The following SLC39A14 variants were observed in gnomAD, a reference collection of about 807,000 sequenced individuals.
SLC39A14 encodes the protein solute carrier family 39 member 14.
SLC39A14 carries 19 observed loss-of-function variants against 45.5 expected under a neutral mutation model. The observed-to-expected ratio is 0.42, with a 90% CI of 0.29 to 0.61. The LOEUF is 0.61. SLC39A14 is among the 20% of genes least tolerant of loss of function. SLC39A14 has a pLI of 0.22. For synonymous variants in SLC39A14, 264 were observed against 251.3 expected (o/e 1.05, Z -0.48); for missense variants, 447 against 616.5 (o/e 0.73, Z 2.91).
chr8:22,402,719 A>T (rs1834948250), intron 1 of SLC39A14, among the ~76,000 whole-genome samples: 1 of 150,352 alleles, frequency 6.7e-6, no homozygotes, highest in Non-Finnish European at 1.5e-5. Flanking sequence ...CAGTGAGCCG[A>T]GATGGCGCCA....
chr8:22,415,961 A>C lies in SLC39A14; in HGVS notation c.939+4A>C, dbSNP rs766834973. The C allele has an allele frequency of 1.9e-6, 3 of 1,601,542 alleles. No homozygotes were observed. Among genetic ancestry groups the C allele is most frequent in the Non-Finnish European group, 2.6e-6 (3 of 1,171,580 alleles). On this transcript the variant is annotated splice_donor_region_variant and intron_variant, in intron 6 of 8. Coordinates refer to ENST00000381237, the MANE Select transcript of SLC39A14 (RefSeq NM_001128431.4). ...TGTGGGCTCGCTCTCTGTGCAGGTC[A>C]GTGGGCCACCAGCTGCTTGGTGGAG...
chr8:22,423,887 G>A (rs537778976), downstream of SLC39A14, among the ~76,000 whole-genome samples: 6 of 151,224 alleles, frequency 4.0e-5, no homozygotes, highest in East Asian at 1.2e-3. Context: ...GAGAGAGTGA[G>A]CTTGAACTCC....
At chr8:22,400,291 G>C (rs1244328553) in intron 1 of SLC39A14, among the ~76,000 whole-genome samples, 1 of 152,216 alleles carries the variant, frequency 6.6e-6, no homozygotes, top group African/African-American at 2.4e-5. Flanking sequence ...CAGTGTCCTT[G>C]TCTGTTACGT....
intron 8 of SLC39A14, among the ~76,000 whole-genome samples, chr8:22,432,620 A>C (rs1836483671): frequency 6.7e-6 from 1 of 150,028 alleles, no homozygotes; most frequent in African/African-American, 2.4e-5. Flanking sequence ...CTGGGACCAC[A>C]GGTGTTCACC....
chr8:22,371,588 A>G (rs185782112), intron 1 of SLC39A14, among the ~76,000 whole-genome samples: 8 of 149,718 alleles, frequency 5.3e-5, no homozygotes, highest in South Asian at 4.2e-4. Context: ...GCCTGCCATC[A>G]CACTTGGCTA....
chr8:22,380,953 G>A (rs746216599), intron 1 of SLC39A14, among the ~76,000 whole-genome samples: 1 of 151,600 alleles, frequency 6.6e-6, no homozygotes. Flanking sequence ...TGGAATTACG[G>A]GAGTGAGCCA....
intron 8 of SLC39A14, among the ~76,000 whole-genome samples, chr8:22,432,272 G>A (rs1836477635): frequency 6.6e-6 from 1 of 152,114 alleles, no homozygotes; most frequent in Admixed American, 6.5e-5. Context: ...GATAGAGGCT[G>A]CAGTGAGCTA....
At chr8:22,415,039 G>A in intron 5 of SLC39A14, 137 bp downstream of exon 5, 1 of 1,071,710 alleles carries the variant, frequency 9.3e-7, no homozygotes, top group Non-Finnish European at 1.3e-6. Flanking sequence ...TTCTTGAGGA[G>A]ACAATCCCAT....
chr8:22,403,840 C>T (rs1835031408), intron 1 of SLC39A14, among the ~76,000 whole-genome samples: 1 of 151,926 alleles, frequency 6.6e-6, no homozygotes, highest in Non-Finnish European at 1.5e-5. Flanking sequence ...ATTGCGTGAA[C>T]CTGGGAGGTG....
chr8:22,396,063 C>T (rs1044930125), intron 1 of SLC39A14, among the ~76,000 whole-genome samples: 3 of 152,062 alleles, frequency 2.0e-5, no homozygotes, highest in African/African-American at 4.8e-5. Flanking sequence ...ATTCCTTTTC[C>T]GTTAGAAGAG....
chr8:22,398,744 G>T (rs1215612640), intron 1 of SLC39A14: 1 of 985,324 alleles, frequency 1.0e-6, no homozygotes. Context: ...GTCTGTGCAG[G>T]ACAGAAGTGC....
intron 1 of SLC39A14, among the ~76,000 whole-genome samples, chr8:22,384,672 G>T (rs149485511): frequency 0.016 from 2,473 of 151,830 alleles, 26 homozygotes; most frequent in Non-Finnish European, 0.026. Flanking sequence ...GCCTGAACCT[G>T]GGAGGCGGAG....
chr8:22,392,340 G>A (rs1203560500), intron 1 of SLC39A14, among the ~76,000 whole-genome samples: 1 of 152,124 alleles, frequency 6.6e-6, no homozygotes, highest in Non-Finnish European at 1.5e-5. Context: ...AATTGTGCCG[G>A]ACACGCTTGG....
chr8:22,393,233 GT>G (rs1196375441), intron 1 of SLC39A14: 1 of 985,766 alleles, frequency 1.0e-6, no homozygotes, highest in Non-Finnish European at 1.2e-6. Flanking sequence ...TCCTTTCAGG[GT>G]ATGGAGGAGA....
intron 1 of SLC39A14, among the ~76,000 whole-genome samples, chr8:22,401,268 T>TCCTCTGTC (rs1834835995): frequency 6.6e-6 from 1 of 152,214 alleles, no homozygotes; most frequent in South Asian, 2.1e-4. Flanking sequence ...CTGCCGCTGT[T>TCCTCTGTC]CCTCTGTCGT....
chr8:22,419,400 T>C (rs1046540282), intron 8 of SLC39A14, 152 bp from the exon 9 acceptor site: 2 of 692,886 alleles, frequency 2.9e-6, no homozygotes, highest in Non-Finnish European at 4.9e-6. Flanking sequence ...GTCAGGCTGG[T>C]CTCGAACTCC....
rs1466018942 is a variant in SLC39A14 at position 22,420,255 on chromosome 8, G to C, written c.*557G>C. On this transcript the variant is annotated 3_prime_UTR_variant, in exon 9 of 9. Coordinates refer to ENST00000381237, the MANE Select transcript of SLC39A14 (RefSeq NM_001128431.4). ...GAGAACCTGAAGTCAGAACACATGA[G>C]CAGGGTGAGAGGTGAGGCAAGGTTC... 1 of 985,504 alleles carries C rather than the reference G, an allele frequency of 1.0e-6. No individual in the cohort carries two copies. Among genetic ancestry groups the C allele is most frequent in the Non-Finnish European group, 1.2e-6 (1 of 830,102 alleles). 61.0% of individuals were successfully genotyped at this position (985,504 alleles called of 1,614,324 possible).
At chr8:22,425,917 G>A (rs1353135132), downstream of SLC39A14, among the ~76,000 whole-genome samples, 1 of 137,756 alleles carries the variant, frequency 7.3e-6, no homozygotes, top group African/African-American at 2.6e-5. Context: ...TTTGAGCAGA[G>A]TTTTGCTCTT....
chr8:22,422,785 A>G (rs2132393327), downstream of SLC39A14: 1 of 857,412 alleles, frequency 1.2e-6, no homozygotes, highest in East Asian at 1.2e-4. Context: ...TTGTTTTACC[A>G]GGTCTGGTTT....
Sources: allele counts gnomAD v4.1 joint callset (sites outside exome capture counted in the v4.1 genomes callset), GRCh38; gene constraint gnomAD v4.1.1; transcripts MANE v1.5; gene names NCBI Gene and HGNC (gene_info 2026-07-23, HGNC 2026-07-21).